Variants in NRCAM observed in about 807,000 individuals in gnomAD.
NRCAM encodes the protein NgCAM-related cell adhesion molecule.
Under a neutral mutation model 156.5 loss-of-function variants are expected in NRCAM, and 83 were observed. The ratio of observed to expected loss-of-function variants is 0.53; its 90% CI spans 0.44 to 0.64. The LOEUF (loss-of-function observed/expected upper bound fraction) is 0.64, where lower values mean the gene tolerates loss of function less well. NRCAM is among the 30% of genes least tolerant of loss of function. The pLI, the probability that NRCAM is intolerant of heterozygous loss-of-function variation, is 0.00. For missense variants in NRCAM, 1,417 were observed against 1,597.3 expected, an observed-to-expected ratio of 0.89 and a Z score of 1.92; for synonymous variants, 538 against 563.9, an observed-to-expected ratio of 0.95 and a Z score of 0.65.
At chr7:108,412,898 T>A (rs536431263) in intron 1 of NRCAM, among the ~76,000 whole-genome samples, 1 of 152,222 alleles carries the variant, frequency 6.6e-6, no homozygotes, top group South Asian at 2.1e-4. Context: ...TATGGCTATA[T>A]AGTATTCTAT....
rs1041094487 is a variant in NRCAM at position 108,182,626 on chromosome 7, G to T, written c.2530+69C>A. ...CCCTCCCTTGCAACCTGAGCAAGGAGAAATGGCCTTGGCTTGCACCTTGGT... is the reference window on the plus strand; with the variant it reads ...CCCTCCCTTGCAACCTGAGCAAGGATAAATGGCCTTGGCTTGCACCTTGGT... On this transcript the variant is annotated intron_variant, in intron 23 of 32. Transcript: ENST00000379028. 6.8e-5 allele frequency: 97 copies of T among 1,422,052 alleles called. No individual in the cohort carries two copies. In the Admixed American group the frequency reaches 1.7e-3, roughly 25 times the overall value. 88.1% of individuals were successfully genotyped at this position (1,422,052 alleles called of 1,614,324 possible).
At chr7:108,417,351 C>T (rs780274620) in intron 1 of NRCAM, among the ~76,000 whole-genome samples, 3 of 152,128 alleles carry the variant, frequency 2.0e-5, no homozygotes, top group Non-Finnish European at 2.9e-5. Flanking sequence ...CTTGTAGTTG[C>T]GTCATCCCAT....
chr7:108,321,945 T>C (rs1271971878), intron 2 of NRCAM, among the ~76,000 whole-genome samples: 2 of 152,198 alleles, frequency 1.3e-5, no homozygotes, highest in Non-Finnish European at 2.9e-5. Flanking sequence ...GGCATAAAAA[T>C]ATAGTAAAGC....
chr7:108,202,417 G>T (rs544885153), intron 13 of NRCAM, among the ~76,000 whole-genome samples: 17 of 152,256 alleles, frequency 1.1e-4, no homozygotes, highest in South Asian at 4.1e-4. Context: ...TAATCATATA[G>T]TATTTTATGC....
chr7:108,372,269 A>G (rs969837161), intron 2 of NRCAM, among the ~76,000 whole-genome samples: 1 of 152,156 alleles, frequency 6.6e-6, no homozygotes, highest in East Asian at 1.9e-4. Flanking sequence ...AGAAAAAAAC[A>G]TAAGGGAAAA....
intron 2 of NRCAM, among the ~76,000 whole-genome samples, chr7:108,339,636 C>T (rs1563332752): frequency 6.6e-6 from 1 of 152,100 alleles, no homozygotes; most frequent in Non-Finnish European, 1.5e-5. Flanking sequence ...GGAAAACAGG[C>T]GCAGGACTGC....
chr7:108,399,171 T>TTGTGTG (rs142946755), intron 2 of NRCAM, among the ~76,000 whole-genome samples: 4 of 150,150 alleles, frequency 2.7e-5, no homozygotes, highest in South Asian at 2.1e-4. Flanking sequence ...GTGTGTGTGT[T>TTGTGTG]TGTGTGTGTG....
chr7:108,267,812 C>A (rs1416997226), intron 3 of NRCAM, among the ~76,000 whole-genome samples: 1 of 152,146 alleles, frequency 6.6e-6, no homozygotes, highest in Non-Finnish European at 1.5e-5. Flanking sequence ...GGACAAAAAA[C>A]CCATTTATTC....
At chr7:108,158,109 C>T (rs2046632890) in intron 32 of NRCAM, among the ~76,000 whole-genome samples, 1 of 152,134 alleles carries the variant, frequency 6.6e-6, no homozygotes, top group Non-Finnish European at 1.5e-5. Context: ...CTACGGGCTT[C>T]TGTAGGCTGC....
chr7:108,256,175 G>C (rs1481061055), intron 3 of NRCAM, among the ~76,000 whole-genome samples: 1 of 145,798 alleles, frequency 6.9e-6, no homozygotes, highest in South Asian at 2.2e-4. Context: ...TGGTTTTGTT[G>C]AATAGAAAAG....
intron 28 of NRCAM, among the ~76,000 whole-genome samples, chr7:108,170,322 C>T (rs2057695543): frequency 6.6e-6 from 1 of 152,184 alleles, no homozygotes. Flanking sequence ...CGTGATCTCA[C>T]TTAAATGTGT....
intron 3 of NRCAM, among the ~76,000 whole-genome samples, chr7:108,257,013 AAAAAAAGAAAAAG>A (rs201840131): frequency 0.038 from 5,644 of 150,184 alleles, 146 homozygotes; most frequent in Middle Eastern, 0.076. Flanking sequence ...TCGAAAAAAA[AAAAAAAGAAAAAG>A]AAAAAGAAAA....
chr7:108,231,078 C>G lies in NRCAM; in HGVS notation c.503G>C (p.Arg168Thr). 1 of 1,610,012 alleles carries G rather than the reference C, an allele frequency of 6.2e-7. No homozygotes were observed. The highest frequency in any genetic ancestry group is 8.5e-7 in the Non-Finnish European group (1 of 1,177,112). The change falls in exon 8 of 33, where the codon AGA (arginine) becomes ACA (threonine). Residue 168 changes from arginine (R) to threonine (T), a missense_variant. Physicochemically the swap from Arg to Thr is moderately conservative, Grantham distance 71. This residue lies in a region of NRCAM where 1,238 missense variants were observed against 1,336.4 expected (regional missense o/e 0.93). Coordinates refer to ENST00000379028, the MANE Select transcript of NRCAM (RefSeq NM_001037132.4). ...QSGQSLVLPC[R>T]PPIGLPPPII... ...AGGTGGTGGTAATCCAATTGGGGGT[C>G]TGCAGGGAAGTACTAAAGACTGACC...
At chr7:108,375,879 G>A (rs933888102) in intron 2 of NRCAM, among the ~76,000 whole-genome samples, 1 of 152,132 alleles carries the variant, frequency 6.6e-6, no homozygotes, top group African/African-American at 2.4e-5. Flanking sequence ...AGAAGTAAGA[G>A]GAAGAGAAAC....
chr7:108,191,891 A>G, intron 17 of NRCAM, 38 bp from the exon 18 acceptor site: 1 of 1,600,216 alleles, frequency 6.2e-7, no homozygotes, highest in Non-Finnish European at 8.5e-7. Flanking sequence ...TGAAATGGAC[A>G]TGCAGCCGTA....
At chr7:108,286,499 G>A (rs1202766593) in intron 3 of NRCAM, among the ~76,000 whole-genome samples, 2 of 151,840 alleles carry the variant, frequency 1.3e-5, no homozygotes, top group Admixed American at 6.6e-5. Flanking sequence ...GGAAGGAGGT[G>A]GAAGAAAAGG....
intron 3 of NRCAM, among the ~76,000 whole-genome samples, chr7:108,283,995 C>T (rs1361623435): frequency 1.3e-5 from 2 of 152,026 alleles, no homozygotes; most frequent in African/African-American, 4.8e-5. Context: ...CAGGCACACA[C>T]CACCAAACCT....
intron 3 of NRCAM, among the ~76,000 whole-genome samples, chr7:108,300,430 C>T (rs1199495535): frequency 3.9e-5 from 6 of 151,918 alleles, no homozygotes; most frequent in Non-Finnish European, 8.8e-5. Flanking sequence ...CATCTATTTT[C>T]TAAAAAGGTC....
chr7:108,158,531 T>A (rs1347325598), intron 32 of NRCAM, among the ~76,000 whole-genome samples: 2 of 152,122 alleles, frequency 1.3e-5, no homozygotes, highest in Non-Finnish European at 2.9e-5. Flanking sequence ...CATAAATATC[T>A]TCTCTACAAA....
Sources: gnomAD v4.1 joint callset for allele counts (sites outside exome capture counted in the v4.1 genomes callset) on GRCh38, gnomAD v4.1.1 for gene constraint, gnomAD v4.1.1 regional missense constraint, MANE v1.5 for transcripts, NCBI Gene and HGNC (gene_info 2026-07-23, HGNC 2026-07-21) for gene names.